Variants in GRIN2B observed in about 807,000 individuals in gnomAD.
GRIN2B encodes the protein glutamate ionotropic receptor NMDA type subunit 2B.
GRIN2B carries 5 observed loss-of-function variants against 114.5 expected under a neutral mutation model. That is an observed-to-expected ratio of 0.04 (90% CI 0.02 to 0.09). The LOEUF (loss-of-function observed/expected upper bound fraction) is 0.09. Among genes scored for constraint, GRIN2B ranks in the 10% least tolerant of loss-of-function variants. The probability of loss-of-function intolerance (pLI) is 1.00; values close to 1 mark genes in which losing one functional copy is unlikely to be tolerated. For synonymous variants in GRIN2B, 787 were observed against 745.1 expected, an observed-to-expected ratio of 1.06 and a Z score of -0.92; for missense variants, 1,108 against 1,943.5, an observed-to-expected ratio of 0.57 and a Z score of 8.08.
rs541534058 is a variant in GRIN2B at position 13,892,810 on chromosome 12, A to C, written c.-18-26584T>G. Among the ~76,000 whole-genome samples, 65 of 152,338 alleles carry C rather than the reference A, an allele frequency of 4.3e-4. No homozygotes were observed. In the South Asian group the frequency reaches 0.013, roughly 31 times the overall value. On this transcript the variant is annotated intron_variant, in intron 2 of 13. Transcript: ENST00000609686. ...TTCCCTTGAGGACTTTGAGAGAGTG[A>C]AGGTTATCTACTTAGCCTCCTAGGA... is the stretch of plus-strand genomic sequence containing the variant.
intron 2 of GRIN2B, among the ~76,000 whole-genome samples, chr12:13,943,835 C>T (rs1053934149): frequency 6.6e-6 from 1 of 152,152 alleles, no homozygotes; most frequent in African/African-American, 2.4e-5. Context: ...TCACTCTCGT[C>T]TATGATCATA....
intron 2 of GRIN2B, among the ~76,000 whole-genome samples, chr12:13,930,983 C>T (rs1292845286): frequency 6.6e-6 from 1 of 152,150 alleles, no homozygotes; most frequent in Non-Finnish European, 1.5e-5. Flanking sequence ...TCTTAGGCTA[C>T]AACTGTAAAC....
intron 4 of GRIN2B, among the ~76,000 whole-genome samples, chr12:13,736,358 G>T (rs1863185115): frequency 6.6e-6 from 1 of 152,110 alleles, no homozygotes; most frequent in Non-Finnish European, 1.5e-5. Flanking sequence ...AAATGAGGTT[G>T]ACATCACTTC....
intron 2 of GRIN2B, among the ~76,000 whole-genome samples, chr12:13,880,785 C>T (rs933035056): frequency 1.3e-5 from 2 of 152,268 alleles, no homozygotes; most frequent in Non-Finnish European, 2.9e-5. Flanking sequence ...CCCTGGGCTA[C>T]TGCCTGCAAC....
rs1171346414 is a variant in GRIN2B at position 13,550,810 on chromosome 12, C to G, written c.*11973G>C. On this transcript the variant is annotated 3_prime_UTR_variant, in exon 14 of 14. Transcript: ENST00000609686. ...ATTAAGTACCATGCACGTGTTCGAG[C>G]TCTGTGCTCACTCAACTTCTCATCC... The G allele has an allele frequency of 1.3e-5, 2 of 152,162 alleles. No individual in the cohort carries two copies. 9.4% of individuals were successfully genotyped at this position (152,162 alleles called of 1,614,324 possible). A position where few individuals can be genotyped will look rare whatever the true frequency, so the allele number is the denominator to read the frequency against.
chr12:13,660,812 C>T (rs1311114063), intron 5 of GRIN2B, among the ~76,000 whole-genome samples: 4 of 152,152 alleles, frequency 2.6e-5, no homozygotes, highest in Non-Finnish European at 4.4e-5. Flanking sequence ...AACTTCCCTT[C>T]GCTTCTAGCC....
intron 5 of GRIN2B, among the ~76,000 whole-genome samples, chr12:13,673,126 T>C (rs1003769200): frequency 4.6e-5 from 7 of 152,008 alleles, no homozygotes; most frequent in South Asian, 2.1e-4. Context: ...ACAAAATCTA[T>C]AGGGGACAAG....
At chr12:13,605,558 C>CTCTCTCTCTCTCTCTCTCTCTCTG (rs1565472545) in intron 10 of GRIN2B, among the ~76,000 whole-genome samples, 2 of 143,106 alleles carry the variant, frequency 1.4e-5, no homozygotes, top group Non-Finnish European at 3.1e-5. Context: ...CTCTGACACA[C>CTCTCTCTCTCTCTCTCTCTCTCTG]ACACACACAC....
intron 10 of GRIN2B, among the ~76,000 whole-genome samples, chr12:13,579,653 T>C (rs1465629601): frequency 4.6e-5 from 7 of 152,192 alleles, no homozygotes; most frequent in Non-Finnish European, 7.3e-5. Flanking sequence ...GATTGGGTTT[T>C]TGTGTTAGAA....
intron 4 of GRIN2B, among the ~76,000 whole-genome samples, chr12:13,680,512 G>A (rs1034158811): frequency 6.7e-6 from 1 of 149,006 alleles, no homozygotes; most frequent in Non-Finnish European, 1.5e-5. Context: ...TTTGTCTCTA[G>A]AATGTAGTTT....
Position 13,878,054 on chromosome 12 carries a change from ACT to A in GRIN2B, c.-18-11830_-18-11829del, listed in dbSNP as rs1325500683. Among the ~76,000 whole-genome samples the A allele has an allele frequency of 5.1e-3, 589 of 114,852 alleles. 4 individuals are homozygous for A. The highest frequency in any genetic ancestry group is 8.4e-3 in the Non-Finnish European group (473 of 56,068). 75.3% of individuals were successfully genotyped at this position (114,852 alleles called of 152,430 possible). A position where few individuals can be genotyped will look rare whatever the true frequency, so the allele number is the denominator to read the frequency against. ...ACTCCAGCCTGGGTGACAGAGCAAG[ACT>A]CTGTCTCAAAAAAAAAAAAAAAAAA... On this transcript the variant is annotated intron_variant, in intron 2 of 13. Transcript: ENST00000609686.
chr12:13,613,313 A>G (rs1949389507), intron 8 of GRIN2B, among the ~76,000 whole-genome samples: 1 of 152,200 alleles, frequency 6.6e-6, no homozygotes, highest in African/African-American at 2.4e-5. Context: ...TACACAAAAT[A>G]CATCGTCTGT....
chr12:13,623,251 T>C (rs1591647157), intron 5 of GRIN2B, among the ~76,000 whole-genome samples: 2 of 152,200 alleles, frequency 1.3e-5, no homozygotes, highest in East Asian at 3.8e-4. Context: ...TTGATATTTA[T>C]GATATTTCCA....
intron 5 of GRIN2B, among the ~76,000 whole-genome samples, chr12:13,618,824 C>T (rs1165075485): frequency 3.3e-5 from 5 of 152,150 alleles, no homozygotes; most frequent in South Asian, 2.1e-4. Context: ...CACTTTGCAA[C>T]GAACTAGCTG....
chr12:13,742,277 C>G (rs1429046976), intron 4 of GRIN2B, among the ~76,000 whole-genome samples: 1 of 152,134 alleles, frequency 6.6e-6, no homozygotes, highest in Non-Finnish European at 1.5e-5. Flanking sequence ...CTTTTCCATT[C>G]TGTTATTTAT....
chr12:13,800,076 C>A (rs1011852171), intron 3 of GRIN2B, among the ~76,000 whole-genome samples: 1 of 152,150 alleles, frequency 6.6e-6, no homozygotes, highest in African/African-American at 2.4e-5. Flanking sequence ...CCCTCAAACC[C>A]AACCGATGTG....
intron 4 of GRIN2B, among the ~76,000 whole-genome samples, chr12:13,684,976 A>G (rs770624315): frequency 7.9e-5 from 12 of 152,310 alleles, no homozygotes; most frequent in Non-Finnish European, 8.8e-5. Context: ...TTTCTCTAGG[A>G]CATTCAACTA....
chr12:13,657,316 T>C (rs1265536600), intron 5 of GRIN2B, among the ~76,000 whole-genome samples: 2 of 152,204 alleles, frequency 1.3e-5, no homozygotes, highest in Non-Finnish European at 2.9e-5. Flanking sequence ...TTCCATGTTC[T>C]AAAAGCTGCT....
At chr12:13,959,701 C>G (rs953473264) in intron 2 of GRIN2B, among the ~76,000 whole-genome samples, 1 of 150,454 alleles carries the variant, frequency 6.6e-6, no homozygotes, top group African/African-American at 2.4e-5. Flanking sequence ...AATGTGTTGG[C>G]GAAGAGATGC....
Sources: gnomAD v4.1 joint callset for allele counts (sites outside exome capture counted in the v4.1 genomes callset) on GRCh38, gnomAD v4.1.1 for gene constraint, MANE v1.5 for transcripts, NCBI Gene and HGNC (gene_info 2026-07-23, HGNC 2026-07-21) for gene names.